Variants in COG6 observed in about 807,000 individuals in gnomAD.
The protein encoded by COG6 is component of oligomeric golgi complex 6.
COG6 carries 74 observed loss-of-function variants against 88.8 expected under a neutral mutation model. The observed-to-expected ratio is 0.83, with a 90% CI of 0.69 to 1.01. COG6 has a LOEUF of 1.01. Among genes scored for constraint, COG6 ranks in the 50% least tolerant of loss-of-function variants. The probability of loss-of-function intolerance (pLI) is 0.00; values close to 1 mark genes in which losing one functional copy is unlikely to be tolerated. For missense variants in COG6, 800 were observed against 797.9 expected (o/e 1.00, Z -0.03); for synonymous variants, 286 against 278.7 (o/e 1.03, Z -0.26).
chr13:39,757,651 TTAA>T (rs1880881667), intron 18 of COG6, among the ~76,000 whole-genome samples: 1 of 151,006 alleles, frequency 6.6e-6, no homozygotes, highest in Admixed American at 6.6e-5. Flanking sequence ...CAGAATTCTA[TTAA>T]TAATTATATG....
intron 18 of COG6, among the ~76,000 whole-genome samples, chr13:39,738,407 A>G (rs901574853): frequency 6.6e-6 from 1 of 152,224 alleles, no homozygotes; most frequent in African/African-American, 2.4e-5. Context: ...ATTGAAACAA[A>G]TAAAGTTATT....
chr13:39,660,965 T>A, intron 3 of COG6, 84 bp downstream of exon 3: 1 of 809,882 alleles, frequency 1.2e-6, no homozygotes, highest in Non-Finnish European at 2.2e-6. Flanking sequence ...AGATATCTAA[T>A]CCATAATGCC....
intron 18 of COG6, among the ~76,000 whole-genome samples, chr13:39,786,614 CA>C (rs1404850827): frequency 6.6e-6 from 1 of 152,172 alleles, no homozygotes; most frequent in East Asian, 1.9e-4. Context: ...TTCAACTTTA[CA>C]AAGGTGGCAT....
At chr13:39,780,361 G>A (rs1303489409) in intron 18 of COG6, among the ~76,000 whole-genome samples, 4 of 152,162 alleles carry the variant, frequency 2.6e-5, no homozygotes, top group Non-Finnish European at 5.9e-5. Context: ...AAGACCACCA[G>A]TAGTCTAAAT....
chr13:39,763,511 G>T (rs1365158492), intron 18 of COG6, among the ~76,000 whole-genome samples: 2 of 151,496 alleles, frequency 1.3e-5, no homozygotes, highest in African/African-American at 4.8e-5. Context: ...TTCTGTTCCT[G>T]GTGTGTCATG....
chr13:39,761,869 A>G (rs577562992), intron 18 of COG6, among the ~76,000 whole-genome samples: 1 of 152,002 alleles, frequency 6.6e-6, no homozygotes, highest in South Asian at 2.1e-4. Context: ...AAGAGAAAAA[A>G]TAACAAATGT....
Position 39,751,294 on chromosome 13 carries a change from G to A in COG6, c.*201G>A, listed in dbSNP as rs1249797915. 1.1e-5 allele frequency: 16 copies of A among 1,504,570 alleles called. No individual in the cohort carries two copies. The highest frequency in any genetic ancestry group is 1.4e-5 in the Non-Finnish European group (16 of 1,129,580). The allele number at this position is 1,504,570 out of a possible 1,614,324, so 93.2% of individuals were successfully genotyped here. ...TGTTGACCTGAGCTAGTATTGCTGTGTATCTACTCTAAATGAGATGATCTA... is the reference window on the plus strand; with the variant it reads ...TGTTGACCTGAGCTAGTATTGCTGTATATCTACTCTAAATGAGATGATCTA... On this transcript the variant is annotated 3_prime_UTR_variant, in exon 19 of 19. Transcript: ENST00000455146.
Position 39,699,540 on chromosome 13 carries a change from C to A in COG6, c.1206C>A (p.Thr402=). The A allele has an allele frequency of 6.3e-7, 1 of 1,595,198 alleles. No homozygotes were observed. Among genetic ancestry groups the A allele is most frequent in the Non-Finnish European group, 8.6e-7 (1 of 1,164,024 alleles). Residue 402 remains threonine (T), a synonymous_variant, in exon 13 of 19, where the codon ACC becomes ACA. Transcript: ENST00000455146. Reference sequence around the variant, plus strand: ...ATAGTGCAACTGCATTATTGACTACCATTGAAGAAATGCATTTGCTAAGCA... The same window carrying A: ...ATAGTGCAACTGCATTATTGACTACAATTGAAGAAATGCATTTGCTAAGCA... ...VGNSATALLT[T]IEEMHLLSKK...
intron 8 of COG6, among the ~76,000 whole-genome samples, chr13:39,685,973 G>T (rs1269608022): frequency 6.6e-6 from 1 of 152,080 alleles, no homozygotes. Context: ...CTCAAAAAAG[G>T]TTCATATTCC....
intron 18 of COG6, among the ~76,000 whole-genome samples, chr13:39,758,185 A>G (rs1352524902): frequency 2.1e-5 from 3 of 141,204 alleles, no homozygotes; most frequent in African/African-American, 5.3e-5. Flanking sequence ...GTGCCACTGC[A>G]CTTCGGCCTG....
intron 13 of COG6, among the ~76,000 whole-genome samples, chr13:39,706,674 A>T (rs1008883050): frequency 9.2e-5 from 14 of 152,014 alleles, no homozygotes; most frequent in African/African-American, 2.9e-4. Flanking sequence ...TGCTTTTTTT[A>T]AAAAAATTAT....
intron 1 of COG6, chr13:39,656,120 C>T: frequency 1.5e-6 from 1 of 657,126 alleles, no homozygotes; most frequent in East Asian, 3.0e-5. Context: ...TGAAAAGGTG[C>T]CTTCAAGGCT....
chr13:39,736,596 C>T (rs149255103), intron 18 of COG6, among the ~76,000 whole-genome samples: 5 of 152,134 alleles, frequency 3.3e-5, no homozygotes, highest in African/African-American at 1.2e-4. Flanking sequence ...GAGACTGAGG[C>T]AGGAGAATCG....
intron 7 of COG6, among the ~76,000 whole-genome samples, chr13:39,681,608 GAGA>G (rs1444360690): frequency 6.6e-6 from 1 of 152,140 alleles, no homozygotes; most frequent in African/African-American, 2.4e-5. Context: ...GGGAATTTCT[GAGA>G]AGTTCTAAAT....
At chr13:39,684,385 G>A (rs1490654264) in intron 8 of COG6, among the ~76,000 whole-genome samples, 5 of 150,208 alleles carry the variant, frequency 3.3e-5, no homozygotes, top group Admixed American at 2.7e-4. Flanking sequence ...GAGTAGCTGG[G>A]ACTACAGGCG....
At position 39,736,429 on chromosome 13, in the gene COG6, A is replaced by G. The variant is rs1879747705; in HGVS notation, c.1826+8881A>G. ...GAATTTTGGCCAGGCGCAGTGTCTC[A>G]CGCCTGTAATCCCAACACTTTGGGA... On this transcript the variant is annotated intron_variant, in intron 18 of 18. Transcript: ENST00000455146. Among the ~76,000 whole-genome samples, 4 of 152,156 alleles carry G rather than the reference A, an allele frequency of 2.6e-5. No individual in the cohort carries two copies. In the South Asian group the frequency reaches 8.3e-4, roughly 32 times the overall value.
intron 16 of COG6, among the ~76,000 whole-genome samples, chr13:39,724,222 C>T (rs966036437): frequency 3.3e-5 from 5 of 151,988 alleles, no homozygotes; most frequent in Non-Finnish European, 7.4e-5. Flanking sequence ...GTGTCACTGG[C>T]ATCTTCCAGT....
At position 39,706,766 on chromosome 13, in the gene COG6, C is replaced by A. The variant is rs577057838; in HGVS notation, c.1284+7148C>A. Among the ~76,000 whole-genome samples the A allele has an allele frequency of 2.8e-3, 426 of 151,474 alleles. 2 individuals carry two copies. The highest frequency in any genetic ancestry group is 5.4e-3 in the Non-Finnish European group (363 of 67,816). On this transcript the variant is annotated intron_variant, in intron 13 of 18. Transcript: ENST00000455146. ...TGGTGTGATCTCGGCTCACTGCAACCTCCTCCTCCTGGGTTCAAGCGATTC... is the reference window on the plus strand; with the variant it reads ...TGGTGTGATCTCGGCTCACTGCAACATCCTCCTCCTGGGTTCAAGCGATTC...
intron 18 of COG6, among the ~76,000 whole-genome samples, chr13:39,787,897 G>A (rs535890319): frequency 2.0e-5 from 3 of 152,264 alleles, no homozygotes; most frequent in East Asian, 1.9e-4. Context: ...GGCATCTGTG[G>A]ATTTTGGTAT....
Sources: gnomAD v4.1 joint callset for allele counts (sites outside exome capture counted in the v4.1 genomes callset) on GRCh38, gnomAD v4.1.1 for gene constraint, MANE v1.5 for transcripts, NCBI Gene and HGNC (gene_info 2026-07-23, HGNC 2026-07-21) for gene names.